Variants in CNTN5 observed in about 807,000 individuals in gnomAD.
The protein encoded by CNTN5 is contactin-5.
A neutral mutation model predicts 129.1 loss-of-function variants in CNTN5; 77 were observed. The observed-to-expected ratio is 0.60, with a 90% CI of 0.50 to 0.72. The LOEUF is 0.72. Among genes scored for constraint, CNTN5 ranks in the 30% least tolerant of loss-of-function variants. The pLI is 0.00. For missense variants in CNTN5, 1,478 were observed against 1,328.8 expected, an observed-to-expected ratio of 1.11 and a Z score of -1.75; for synonymous variants, 509 against 465.6, an observed-to-expected ratio of 1.09 and a Z score of -1.20.
intron 6 of CNTN5, among the ~76,000 whole-genome samples, chr11:99,861,016 C>G (rs143280705): frequency 7.8e-6 from 1 of 128,338 alleles, no homozygotes; most frequent in East Asian, 2.5e-4. Flanking sequence ...AGTGCAGTGG[C>G]GCAATCTCAT....
At chr11:99,042,365 C>CTTTTTTTTTTTTTTTTTTTTTT (rs1210153589) in intron 1 of CNTN5, among the ~76,000 whole-genome samples, 1 of 83,798 alleles carries the variant, frequency 1.2e-5, no homozygotes, top group African/African-American at 5.0e-5. Context: ...TCTTCTTCTT[C>CTTTTTTTTTTTTTTTTTTTTTT]TTTTTTTTTT....
chr11:99,161,629 A>G (rs11218587), intron 1 of CNTN5, among the ~76,000 whole-genome samples: 39,340 of 152,110 alleles, frequency 0.26, 5,524 homozygotes, highest in Middle Eastern at 0.32. Flanking sequence ...GCAGCCTTGG[A>G]CTGCCAGATT....
At chr11:99,231,053 T>C (rs1422364236) in intron 1 of CNTN5, among the ~76,000 whole-genome samples, 5 of 152,204 alleles carry the variant, frequency 3.3e-5, no homozygotes, top group Non-Finnish European at 5.9e-5. Flanking sequence ...CAGTCTATCA[T>C]TGATGGGCAT....
In CNTN5 at chr11:99,281,790, G is replaced by A. The variant is rs150119796; in HGVS notation, c.-209-43556G>A. ...ATTTTTATTAGAACTATTTTGAAGT[G>A]TTTTATTATTAAAATGTTTTTACTT... On this transcript the variant is annotated intron_variant, in intron 1 of 24. Coordinates refer to ENST00000524871, the MANE Select transcript of CNTN5 (RefSeq NM_014361.4). Among the ~76,000 whole-genome samples the A allele has an allele frequency of 5.1e-4, 78 of 151,984 alleles. 2 individuals carry two copies. In the East Asian group the frequency reaches 0.014, roughly 28 times the overall value.
At chr11:100,190,744 A>G (rs1248072451) in intron 13 of CNTN5, among the ~76,000 whole-genome samples, 1 of 147,426 alleles carries the variant, frequency 6.8e-6, no homozygotes, top group Non-Finnish European at 1.5e-5. Flanking sequence ...TTTTTTTTAT[A>G]TATGACTTTT....
chr11:99,639,485 G>T (rs1951686006), intron 3 of CNTN5, among the ~76,000 whole-genome samples: 1 of 150,204 alleles, frequency 6.7e-6, no homozygotes, highest in Non-Finnish European at 1.5e-5. Flanking sequence ...TAGTCAGGCT[G>T]CAAATTTTCC....
intron 3 of CNTN5, among the ~76,000 whole-genome samples, chr11:99,625,108 A>G (rs528640895): frequency 7.9e-5 from 12 of 152,284 alleles, no homozygotes; most frequent in East Asian, 5.8e-4. Context: ...AAGATTATCT[A>G]TTGGTTAAAG....
intron 13 of CNTN5, among the ~76,000 whole-genome samples, chr11:100,105,539 A>T (rs577501864): frequency 7.9e-5 from 12 of 152,336 alleles, no homozygotes; most frequent in African/African-American, 2.4e-4. Flanking sequence ...AAGTCTAAAA[A>T]GTTAACAGAT....
intron 3 of CNTN5, among the ~76,000 whole-genome samples, chr11:99,763,466 T>A (rs1426431544): frequency 6.6e-6 from 1 of 152,116 alleles, no homozygotes; most frequent in East Asian, 1.9e-4. Context: ...TGCTGATAAA[T>A]TAATAATTTT....
At chr11:100,257,158 C>A (rs1311529330) in intron 17 of CNTN5, among the ~76,000 whole-genome samples, 1 of 152,136 alleles carries the variant, frequency 6.6e-6, no homozygotes, top group East Asian at 1.9e-4. Flanking sequence ...ATAGTGTAAA[C>A]AAAGCCACCT....
At chr11:99,771,236 A>G (rs1162731489) in intron 3 of CNTN5, among the ~76,000 whole-genome samples, 4 of 152,062 alleles carry the variant, frequency 2.6e-5, no homozygotes, top group African/African-American at 4.8e-5. Context: ...TACCCAAAAG[A>G]GAAAAAGTCA....
chr11:100,050,584 C>G (rs1227767733), intron 9 of CNTN5, among the ~76,000 whole-genome samples: 1 of 151,508 alleles, frequency 6.6e-6, no homozygotes, highest in Non-Finnish European at 1.5e-5. Flanking sequence ...ATGTAACTAA[C>G]CTGCACATTG....
chr11:99,052,906 A>T (rs1439178667), intron 1 of CNTN5, among the ~76,000 whole-genome samples: 1 of 151,874 alleles, frequency 6.6e-6, no homozygotes, highest in Non-Finnish European at 1.5e-5. Flanking sequence ...ATATCTAATG[A>T]TATCTTACAT....
At chr11:99,770,294 G>A (rs1299954068) in intron 3 of CNTN5, among the ~76,000 whole-genome samples, 1 of 151,774 alleles carries the variant, frequency 6.6e-6, no homozygotes, top group Non-Finnish European at 1.5e-5. Flanking sequence ...CTATACAAAG[G>A]TACATTCAAA....
At chr11:99,407,500 T>G (rs1942131318) in intron 2 of CNTN5, among the ~76,000 whole-genome samples, 1 of 152,152 alleles carries the variant, frequency 6.6e-6, no homozygotes, top group South Asian at 2.1e-4. Context: ...TTCGGAGCCG[T>G]GAGCTGTGCA....
intron 6 of CNTN5, among the ~76,000 whole-genome samples, chr11:99,902,755 A>G (rs1319119483): frequency 6.6e-6 from 1 of 152,186 alleles, no homozygotes; most frequent in African/African-American, 2.4e-5. Context: ...AATAAACTGA[A>G]TCCTTCCTTA....
intron 2 of CNTN5, among the ~76,000 whole-genome samples, chr11:99,389,308 G>A (rs555870994): frequency 8.6e-5 from 13 of 151,978 alleles, no homozygotes; most frequent in Non-Finnish European, 1.6e-4. Context: ...GATTGCAGAC[G>A]TGAGCCACCG....
At chr11:99,311,854 A>C (rs183502867) in intron 1 of CNTN5, among the ~76,000 whole-genome samples, 5 of 152,306 alleles carry the variant, frequency 3.3e-5, no homozygotes, top group Admixed American at 3.3e-4. Context: ...ATGATTAAGA[A>C]ATATTTTCTT....
intron 2 of CNTN5, among the ~76,000 whole-genome samples, chr11:99,408,458 GAA>G (rs1491535735): frequency 1.8e-4 from 24 of 136,904 alleles, no homozygotes; most frequent in African/African-American, 6.1e-4. Flanking sequence ...GAGAAAGAAA[GAA>G]AGAAAGAAAG....
Sources: gnomAD v4.1 joint callset for allele counts (sites outside exome capture counted in the v4.1 genomes callset) on GRCh38, gnomAD v4.1.1 for gene constraint, MANE v1.5 for transcripts, NCBI Gene and HGNC (gene_info 2026-07-23, HGNC 2026-07-21) for gene names.